Variants in ARHGEF4 observed in about 807,000 individuals in gnomAD.
ARHGEF4 encodes the protein APC-stimulated guanine nucleotide exchange factor 1.
In ARHGEF4, 119 loss-of-function variants were observed where a neutral mutation model predicts 162.0. The ratio of observed to expected loss-of-function variants is 0.73; its 90% CI spans 0.63 to 0.86. The LOEUF is 0.86. Among genes scored for constraint, ARHGEF4 ranks in the 40% least tolerant of loss-of-function variants. ARHGEF4 has a pLI of 0.00. For missense variants in ARHGEF4, 2,488 were observed against 2,456.0 expected (o/e 1.01, Z -0.28); for synonymous variants, 1,014 against 979.9 (o/e 1.03, Z -0.65).
At chr2:131,014,992 A>G (rs1405196196) in intron 4 of ARHGEF4, among the ~76,000 whole-genome samples, 1 of 152,144 alleles carries the variant, frequency 6.6e-6, no homozygotes, top group Non-Finnish European at 1.5e-5. Context: ...GGACCTCAGC[A>G]TGTCTCACCT....
At chr2:130,871,582 CAT>C (rs1399176339) in intron 1 of ARHGEF4, among the ~76,000 whole-genome samples, 2 of 131,116 alleles carry the variant, frequency 1.5e-5, no homozygotes, top group Admixed American at 7.7e-5. Flanking sequence ...TATATACATA[CAT>C]ATATATATGC....
intron 4 of ARHGEF4, 95 bp from the exon 5 acceptor site, chr2:131,027,850 T>C (rs1307513017): frequency 1.4e-6 from 2 of 1,454,750 alleles, no homozygotes; most frequent in Admixed American, 3.7e-5. Context: ...AGAAGAAGCA[T>C]TTGTCCTGAA....
At chr2:130,848,694 T>C in intron 1 of ARHGEF4, among the ~76,000 whole-genome samples, 1 of 152,108 alleles carries the variant, frequency 6.6e-6, no homozygotes, top group East Asian at 1.9e-4. Context: ...TGGGGCCCTG[T>C]GCATGTTTTA....
chr2:130,965,868 G>C (rs986005429), intron 4 of ARHGEF4, among the ~76,000 whole-genome samples: 2 of 152,178 alleles, frequency 1.3e-5, no homozygotes, highest in Admixed American at 1.3e-4. Context: ...TCTGGAGAGA[G>C]AGAGAGTTGG....
chr2:130,933,076 G>C (rs916350286), intron 3 of ARHGEF4, among the ~76,000 whole-genome samples: 1 of 152,060 alleles, frequency 6.6e-6, no homozygotes, highest in Non-Finnish European at 1.5e-5. Context: ...ATTAGCCAGT[G>C]TGGTAGCACG....
In ARHGEF4 at chr2:131,045,418, C is replaced by T; in HGVS notation, c.5451C>T (p.Ser1817=). Residue 1817 remains serine, a synonymous_variant, in exon 13 of 14, where the codon AGC becomes AGT. Coordinates refer to ENST00000409359, the MANE Select transcript of ARHGEF4 (RefSeq NM_001367493.1). ...LQRKQAMLNA[S]KQQVTGKPKA... ...GGAAGCAGGCCATGCTGAATGCCAGCAAGCAGCAGGTCACAGGGAAGCCCA... is the reference window on the plus strand; with the variant it reads ...GGAAGCAGGCCATGCTGAATGCCAGTAAGCAGCAGGTCACAGGGAAGCCCA... The T allele has an allele frequency of 6.2e-7, 1 of 1,613,598 alleles. No homozygotes were observed. The highest frequency in any genetic ancestry group is 1.1e-5 in the South Asian group (1 of 91,090).
intron 1 of ARHGEF4, among the ~76,000 whole-genome samples, chr2:130,850,951 G>A (rs140015658): frequency 4.3e-4 from 65 of 152,352 alleles, no homozygotes; most frequent in Middle Eastern, 3.4e-3. Context: ...TCAGGCCCTC[G>A]GTATAGCCTG....
intron 1 of ARHGEF4, among the ~76,000 whole-genome samples, chr2:130,863,058 CA>C (rs1257133326): frequency 2.4e-3 from 10 of 4,172 alleles, no homozygotes; most frequent in African/African-American, 5.7e-3. Context: ...GACTCCAACT[CA>C]AAAAAAAAAA....
At chr2:130,837,094 G>A in intron 1 of ARHGEF4, 102 bp downstream of exon 1, 1 of 1,124,272 alleles carries the variant, frequency 8.9e-7, no homozygotes. Context: ...GCCGTCCCCT[G>A]GGCACCCGGT....
At chr2:130,919,614 A>G (rs1681742508) in intron 2 of ARHGEF4, among the ~76,000 whole-genome samples, 1 of 152,208 alleles carries the variant, frequency 6.6e-6, no homozygotes, top group Non-Finnish European at 1.5e-5. Context: ...GGTGGTTCAC[A>G]CCTGTAATCC....
At chr2:131,039,348 G>A (rs1361028092) in intron 6 of ARHGEF4, 3 of 1,152,858 alleles carry the variant, frequency 2.6e-6, no homozygotes, top group African/African-American at 3.2e-5. Context: ...AGCACTGATA[G>A]GGGACTGCTC....
At chr2:130,844,343 G>A (rs1025276903) in intron 1 of ARHGEF4, among the ~76,000 whole-genome samples, 8 of 152,316 alleles carry the variant, frequency 5.3e-5, no homozygotes, top group South Asian at 2.1e-4. Context: ...GAGGCCCTCC[G>A]GCCCTCACGT....
At chr2:131,019,525 C>G (rs1308121108) in intron 4 of ARHGEF4, among the ~76,000 whole-genome samples, 1 of 147,972 alleles carries the variant, frequency 6.8e-6, no homozygotes, top group Non-Finnish European at 1.5e-5. Context: ...CATGGGACGT[C>G]TTTCTTTGCT....
chr2:131,039,871 G>C (rs73960402), intron 6 of ARHGEF4, 145 bp from the exon 7 acceptor site: 147,940 of 1,426,818 alleles, frequency 0.1, 9,701 homozygotes, highest in African/African-American at 0.27. Context: ...GTGGCGTGGT[G>C]GGGGGAGCTG....
At chr2:130,978,381 G>T (rs1175788921) in intron 4 of ARHGEF4, among the ~76,000 whole-genome samples, 1 of 152,100 alleles carries the variant, frequency 6.6e-6, no homozygotes, top group Non-Finnish European at 1.5e-5. Context: ...CCACACTTCT[G>T]CCAAAGACAA....
intron 4 of ARHGEF4, among the ~76,000 whole-genome samples, chr2:131,007,109 G>A (rs1688165544): frequency 6.6e-6 from 1 of 152,204 alleles, no homozygotes; most frequent in Non-Finnish European, 1.5e-5. Flanking sequence ...GTTTGTCATG[G>A]AGACTGCTGT....
chr2:130,911,395 G>A (rs1448425229), intron 1 of ARHGEF4, among the ~76,000 whole-genome samples: 1 of 152,122 alleles, frequency 6.6e-6, no homozygotes, highest in Non-Finnish European at 1.5e-5. Context: ...CTGAGCCTCC[G>A]CAGAAAGAAT....
intron 1 of ARHGEF4, among the ~76,000 whole-genome samples, chr2:130,856,750 A>G (rs1269766213): frequency 2.0e-5 from 3 of 152,212 alleles, no homozygotes; most frequent in Non-Finnish European, 2.9e-5. Flanking sequence ...GCATGTATAC[A>G]TATGTAACTA....
intron 1 of ARHGEF4, among the ~76,000 whole-genome samples, chr2:130,884,035 A>T (rs1168853331): frequency 6.6e-6 from 1 of 152,142 alleles, no homozygotes; most frequent in Non-Finnish European, 1.5e-5. Flanking sequence ...AACATTATAT[A>T]TCCTCCTACT....
Sources: allele counts gnomAD v4.1 joint callset (sites outside exome capture counted in the v4.1 genomes callset), GRCh38; gene constraint gnomAD v4.1.1; transcripts MANE v1.5; gene names NCBI Gene and HGNC (gene_info 2026-07-23, HGNC 2026-07-21).